RGS6: variants seen among roughly 807,000 people sequenced by gnomAD.
The protein encoded by RGS6 is regulator of G-protein signaling 6.
RGS6 carries 30 observed loss-of-function variants against 78.5 expected under a neutral mutation model. That is an observed-to-expected ratio of 0.38 (90% CI 0.29 to 0.52). The LOEUF (loss-of-function observed/expected upper bound fraction) is 0.52. RGS6 is among the 20% of genes least tolerant of loss of function. The pLI, the probability that RGS6 is intolerant of heterozygous loss-of-function variation, is 0.85. For synonymous variants in RGS6, 206 were observed against 206.0 expected, an observed-to-expected ratio of 1.00 and a Z score of 0.00; for missense variants, 495 against 609.7, an observed-to-expected ratio of 0.81 and a Z score of 1.98.
chr14:71,976,079 T>G (rs2094109042), intron 2 of RGS6, among the ~76,000 whole-genome samples: 1 of 151,864 alleles, frequency 6.6e-6, no homozygotes, highest in South Asian at 2.1e-4. Flanking sequence ...TTTTTATAGT[T>G]TCTAGTTTTC....
In RGS6 at chr14:71,946,365, G is replaced by A. The variant is rs74632710; in HGVS notation, c.-21+13424G>A. 6.8e-3 allele frequency among the ~76,000 whole-genome samples: 1,033 copies of A among 152,222 alleles called. 8 individuals are homozygous for A. The highest frequency in any genetic ancestry group is 0.023 in the African/African-American group (972 of 41,524). On this transcript the variant is annotated intron_variant, in intron 1 of 17. Transcript: ENST00000553525. ...TTTAGTCAACTATTAATGGGGTTGC[G>A]GGGGCGGGATGTTCCGTACCCCAGG... is the stretch of plus-strand genomic sequence containing the variant.
chr14:72,342,226 T>G (rs980832386), intron 2 of RGS6, among the ~76,000 whole-genome samples: 9 of 151,896 alleles, frequency 5.9e-5, no homozygotes, highest in African/African-American at 1.9e-4. Context: ...GGATCTTTGT[T>G]TTTTCATGCT....
the RGS6 span, among the ~76,000 whole-genome samples, chr14:72,611,590 G>C: frequency 2.6e-4 from 39 of 152,188 alleles, no homozygotes; most frequent in African/African-American, 8.4e-4. Flanking sequence ...CTCTGATCAG[G>C]CCCTGCCAGT....
chr14:72,180,847 C>A (rs561237345), intron 2 of RGS6, among the ~76,000 whole-genome samples: 1 of 152,328 alleles, frequency 6.6e-6, no homozygotes, highest in African/African-American at 2.4e-5. Flanking sequence ...TTGCTTCCAC[C>A]TTCCCCCTTC....
At chr14:72,194,144 C>T (rs552446456) in intron 2 of RGS6, among the ~76,000 whole-genome samples, 3 of 152,138 alleles carry the variant, frequency 2.0e-5, no homozygotes, top group Non-Finnish European at 2.9e-5. Flanking sequence ...GAGGAACGGT[C>T]GGTCAGATCG....
At chr14:71,886,816 T>C in the RGS6 span, among the ~76,000 whole-genome samples, 1 of 152,182 alleles carries the variant, frequency 6.6e-6, no homozygotes, top group Admixed American at 6.6e-5. Flanking sequence ...CCTGCATATA[T>C]TAATACCACC....
the RGS6 span, among the ~76,000 whole-genome samples, chr14:72,580,315 A>ACCCC: frequency 6.0e-5 from 8 of 133,780 alleles, no homozygotes; most frequent in East Asian, 2.3e-4. Context: ...TGTCCCCCCC[A>ACCCC]CCCCGACCCC....
chr14:72,044,492 C>T (rs2080175770), intron 2 of RGS6, among the ~76,000 whole-genome samples: 1 of 152,120 alleles, frequency 6.6e-6, no homozygotes, highest in African/African-American at 2.4e-5. Flanking sequence ...CTCTCTCTTC[C>T]TTCCTCCCTC....
At chr14:72,357,347 A>G (rs1193565536) in intron 3 of RGS6, among the ~76,000 whole-genome samples, 3 of 152,168 alleles carry the variant, frequency 2.0e-5, no homozygotes, top group Non-Finnish European at 1.5e-5. Context: ...AGGGCTCAGA[A>G]GAAGACAAGA....
the RGS6 span, among the ~76,000 whole-genome samples, chr14:71,906,759 G>A: frequency 1.1e-3 from 56 of 50,866 alleles, no homozygotes; most frequent in Admixed American, 4.8e-3. Flanking sequence ...TTAGGCACTC[G>A]TGTCTCCAAA....
chr14:72,452,814 C>G (rs2095529579), intron 3 of RGS6, among the ~76,000 whole-genome samples: 2 of 152,218 alleles, frequency 1.3e-5, no homozygotes, highest in Non-Finnish European at 2.9e-5. Flanking sequence ...GTAGATTGAC[C>G]AGAAATTCAG....
intron 2 of RGS6, among the ~76,000 whole-genome samples, chr14:72,034,458 T>G (rs1175175747): frequency 6.6e-6 from 1 of 151,958 alleles, no homozygotes; most frequent in Non-Finnish European, 1.5e-5. Context: ...CTTATTAATG[T>G]GGTATATCAC....
intron 3 of RGS6, among the ~76,000 whole-genome samples, chr14:72,400,189 T>C (rs927087821): frequency 7.2e-5 from 11 of 152,232 alleles, no homozygotes; most frequent in Non-Finnish European, 1.3e-4. Flanking sequence ...AGCTGATCTC[T>C]TGGCAGAAAC....
At chr14:72,077,610 C>G (rs1238151215) in intron 2 of RGS6, among the ~76,000 whole-genome samples, 1 of 152,112 alleles carries the variant, frequency 6.6e-6, no homozygotes, top group African/African-American at 2.4e-5. Context: ...CCCTTTAATT[C>G]TGTTTCTTTA....
chr14:72,409,360 G>C (rs1281798215), intron 3 of RGS6, among the ~76,000 whole-genome samples: 1 of 152,146 alleles, frequency 6.6e-6, no homozygotes, highest in Non-Finnish European at 1.5e-5. Flanking sequence ...ATTTGTTAGA[G>C]TAGAAAGTCC....
intron 3 of RGS6, among the ~76,000 whole-genome samples, chr14:72,376,991 T>C (rs1311436225): frequency 6.6e-6 from 1 of 151,606 alleles, no homozygotes; most frequent in East Asian, 1.9e-4. Context: ...AGAGAGGAAG[T>C]AAGGAACAAA....
At chr14:72,596,521 A>T in the RGS6 span, among the ~76,000 whole-genome samples, 1 of 152,202 alleles carries the variant, frequency 6.6e-6, no homozygotes, top group Non-Finnish European at 1.5e-5. Flanking sequence ...CCTAATTGGT[A>T]GAGTTAGGGC....
the RGS6 span, among the ~76,000 whole-genome samples, chr14:71,918,096 G>GCGTGAACC: frequency 6.7e-6 from 1 of 149,040 alleles, no homozygotes; most frequent in East Asian, 2.0e-4. Flanking sequence ...CAGGAGAATG[G>GCGTGAACC]CGTGAACCCG....
At chr14:72,378,555 T>A (rs7151325) in intron 3 of RGS6, among the ~76,000 whole-genome samples, 60,900 of 151,806 alleles carry the variant, frequency 0.4, 12,418 homozygotes, top group South Asian at 0.57. Flanking sequence ...CGTTAGAGAC[T>A]ATAATGAACA....
Sources: gnomAD v4.1 joint callset for allele counts (sites outside exome capture counted in the v4.1 genomes callset) on GRCh38, gnomAD v4.1.1 for gene constraint, MANE v1.5 for transcripts, NCBI Gene and HGNC (gene_info 2026-07-23, HGNC 2026-07-21) for gene names.